Variants in TMEM245 observed in about 807,000 individuals in gnomAD.
TMEM245 encodes the protein protein CG-2.
Under a neutral mutation model 101.2 loss-of-function variants are expected in TMEM245, and 69 were observed. The ratio of observed to expected loss-of-function variants is 0.68; its 90% CI spans 0.56 to 0.83. TMEM245 has a LOEUF of 0.83. TMEM245 is among the 40% of genes least tolerant of loss of function. The pLI, the probability that TMEM245 is intolerant of heterozygous loss-of-function variation, is 0.00. For missense variants in TMEM245, 1,075 were observed against 1,092.8 expected, an observed-to-expected ratio of 0.98 and a Z score of 0.23; for synonymous variants, 537 against 449.8, an observed-to-expected ratio of 1.19 and a Z score of -2.45.
At position 109,053,518 on chromosome 9, in the gene TMEM245, G is replaced by A. The variant is rs1299528116; in HGVS notation, c.1855-2826C>T. The stretch of plus-strand genomic sequence containing the variant: ...ATCAACAATAGCAATGTAAGTACTG[G>A]AAGAACATCACAAAGAGTTCATTAT... On this transcript the variant is annotated intron_variant, in intron 12 of 17. Coordinates refer to ENST00000374586, the MANE Select transcript of TMEM245 (RefSeq NM_032012.4). Among the ~76,000 whole-genome samples the A allele has an allele frequency of 2.0e-5, 3 of 152,298 alleles. No individual in the cohort carries two copies. In the East Asian group the frequency reaches 5.8e-4, roughly 29 times the overall value.
chr9:109,032,415 C>T (rs1222876884), intron 17 of TMEM245, among the ~76,000 whole-genome samples: 2 of 94,998 alleles, frequency 2.1e-5, no homozygotes, highest in African/African-American at 8.0e-5. Flanking sequence ...ACAAGAGTCT[C>T]GCTCTGTCAC....
chr9:109,088,842 G>C lies in TMEM245; in HGVS notation c.1151-1500C>G, dbSNP rs116912905. Among the ~76,000 whole-genome samples, 28 of 146,556 alleles carry C rather than the reference G, an allele frequency of 1.9e-4. No individual in the cohort carries two copies. The East Asian group carries it at 3.4e-3, about 18-fold the overall frequency. On this transcript the variant is annotated intron_variant, in intron 5 of 17. Coordinates refer to ENST00000374586, the MANE Select transcript of TMEM245 (RefSeq NM_032012.4). ...AAAAAAAAAAAAAAAAAAAAAGTATGGAACAATCTAGAAGAGCAATTTAAA... is the reference window on the plus strand; with the variant it reads ...AAAAAAAAAAAAAAAAAAAAAGTATCGAACAATCTAGAAGAGCAATTTAAA...
chr9:109,083,130 C>T (rs1048823602), intron 7 of TMEM245, among the ~76,000 whole-genome samples: 1 of 150,592 alleles, frequency 6.6e-6, no homozygotes, highest in Admixed American at 6.6e-5. Context: ...AATGGGGGCA[C>T]GGGGAGTTGA....
chr9:109,087,410 C>T (rs1829875999), intron 5 of TMEM245, 68 bp from the exon 6 acceptor site: 8 of 1,409,722 alleles, frequency 5.7e-6, no homozygotes, highest in Non-Finnish European at 7.6e-6. Context: ...TGAAAAGGTA[C>T]CTTAATTTCA....
At position 109,106,579 on chromosome 9, in the gene TMEM245, A is replaced by G. The variant is rs1830430603; in HGVS notation, c.728T>C (p.Val243Ala). ...ASLAGSWRIP[V>A]FLVIVFLMSV... ...CATCAGGAAAACAATAACCAGGAAT[A>G]CTGGAATTCTCCATGAGCCAGCCAG... The change falls in exon 3 of 18, where the codon GTA becomes GCA. Residue 243 changes from valine (V) to alanine (A), a missense_variant. Physicochemically the swap from Val to Ala is moderately conservative, Grantham distance 64. Transcript: ENST00000374586. The G allele has an allele frequency of 1.2e-6, 2 of 1,613,176 alleles. No individual in the cohort carries two copies. The highest frequency in any genetic ancestry group is 3.3e-5 in the Admixed American group (2 of 59,958).
chr9:109,055,941 C>T (rs1277639458), intron 12 of TMEM245, among the ~76,000 whole-genome samples: 18 of 152,092 alleles, frequency 1.2e-4, no homozygotes, highest in Admixed American at 1.2e-3. Context: ...GCCTCAATCA[C>T]TGTTTCAAAG....
chr9:109,061,118 T>C (rs1302576470), intron 10 of TMEM245, among the ~76,000 whole-genome samples: 3 of 152,108 alleles, frequency 2.0e-5, no homozygotes, highest in Non-Finnish European at 4.4e-5. Flanking sequence ...GAGTTTGAGA[T>C]CAGCCTGAGC....
At chr9:109,021,041 T>A (rs1827605949) in intron 17 of TMEM245, among the ~76,000 whole-genome samples, 1 of 152,230 alleles carries the variant, frequency 6.6e-6, no homozygotes, top group South Asian at 2.1e-4. Context: ...GTACTTGAAC[T>A]GTTTCTGACC....
At chr9:109,103,365 A>C (rs1433315830) in intron 3 of TMEM245, among the ~76,000 whole-genome samples, 1 of 152,256 alleles carries the variant, frequency 6.6e-6, no homozygotes, top group Non-Finnish European at 1.5e-5. Flanking sequence ...TAGTATCAAA[A>C]AGAATAAGGA....
At chr9:109,091,918 C>A (rs996125244) in intron 4 of TMEM245, among the ~76,000 whole-genome samples, 1 of 152,116 alleles carries the variant, frequency 6.6e-6, no homozygotes, top group Non-Finnish European at 1.5e-5. Flanking sequence ...CTAAAACTTG[C>A]ATTTTGCCTT....
At chr9:109,028,630 T>TA (rs140693975) in intron 17 of TMEM245, among the ~76,000 whole-genome samples, 74 of 148,598 alleles carry the variant, frequency 5.0e-4, no homozygotes, top group African/African-American at 9.9e-4. Flanking sequence ...TTAGCTGACT[T>TA]AAAAAAAAAA....
intron 17 of TMEM245, among the ~76,000 whole-genome samples, chr9:109,030,106 C>T (rs145978277): frequency 0.015 from 2,332 of 152,162 alleles, 26 homozygotes; most frequent in Non-Finnish European, 0.024. Flanking sequence ...CCTTCCAAGT[C>T]GGAAGTTATT....
At chr9:109,069,606 C>T (rs1280106859) in intron 9 of TMEM245, among the ~76,000 whole-genome samples, 1 of 152,162 alleles carries the variant, frequency 6.6e-6, no homozygotes, top group Non-Finnish European at 1.5e-5. Flanking sequence ...CCTGCTTTCC[C>T]CAGCTGTTCC....
At chr9:109,051,337 CACAT>C (rs1564180344) in intron 12 of TMEM245, among the ~76,000 whole-genome samples, 2 of 150,730 alleles carry the variant, frequency 1.3e-5, no homozygotes, top group Non-Finnish European at 3.0e-5. Context: ...CACACACACA[CACAT>C]CATTGTAGAT....
intron 10 of TMEM245, among the ~76,000 whole-genome samples, chr9:109,062,458 T>C (rs1313443259): frequency 6.6e-6 from 1 of 152,226 alleles, no homozygotes; most frequent in Admixed American, 6.5e-5. Flanking sequence ...AGGTGTGAAA[T>C]GTAGCCATTA....
intron 17 of TMEM245, among the ~76,000 whole-genome samples, chr9:109,021,679 C>G (rs1357913437): frequency 6.6e-6 from 1 of 152,020 alleles, no homozygotes; most frequent in Non-Finnish European, 1.5e-5. Context: ...CCACATCCGG[C>G]TAATTTTTAT....
intron 9 of TMEM245, among the ~76,000 whole-genome samples, chr9:109,067,214 G>A (rs573710182): frequency 6.6e-6 from 1 of 152,152 alleles, no homozygotes; most frequent in Non-Finnish European, 1.5e-5. Context: ...CAACAAATGA[G>A]AGGAGCTGTT....
At chr9:109,058,814 C>T (rs1356056325) in intron 11 of TMEM245, among the ~76,000 whole-genome samples, 1 of 152,142 alleles carries the variant, frequency 6.6e-6, no homozygotes, top group Non-Finnish European at 1.5e-5. Context: ...CTATGTTGCC[C>T]AGGCTGGTCT....
chr9:109,070,989 C>T (rs1020275722), intron 9 of TMEM245, among the ~76,000 whole-genome samples: 1 of 152,182 alleles, frequency 6.6e-6, no homozygotes, highest in African/African-American at 2.4e-5. Context: ...TCAAGCGATT[C>T]ATGTGCCTCA....
Sources: gnomAD v4.1 joint callset for allele counts (sites outside exome capture counted in the v4.1 genomes callset) on GRCh38, gnomAD v4.1.1 for gene constraint, MANE v1.5 for transcripts, NCBI Gene and HGNC (gene_info 2026-07-23, HGNC 2026-07-21) for gene names.